Variants in TTC6 observed in about 807,000 individuals in gnomAD.
TTC6 encodes tetratricopeptide repeat protein 6.
TTC6 carries 172 observed loss-of-function variants against 210.4 expected under a neutral mutation model. The observed-to-expected ratio is 0.82, with a 90% CI of 0.72 to 0.93. The LOEUF is 0.93. Among genes scored for constraint, TTC6 ranks in the 40% least tolerant of loss-of-function variants. The pLI, the probability that TTC6 is intolerant of heterozygous loss-of-function variation, is 0.00. For missense variants in TTC6, 2,414 were observed against 2,318.1 expected, an observed-to-expected ratio of 1.04 and a Z score of -0.85; for synonymous variants, 804 against 819.6, an observed-to-expected ratio of 0.98 and a Z score of 0.32.
chr14:37,822,906 C>A (rs555821768), intron 26 of TTC6, among the ~76,000 whole-genome samples: 1 of 152,254 alleles, frequency 6.6e-6, no homozygotes, highest in East Asian at 1.9e-4. Flanking sequence ...AACTAGCTTA[C>A]AGAATTGTTG....
intron 3 of TTC6, among the ~76,000 whole-genome samples, chr14:37,687,647 C>T (rs2095796460): frequency 6.6e-6 from 1 of 152,086 alleles, no homozygotes; most frequent in Non-Finnish European, 1.5e-5. Flanking sequence ...CGAGCTCAGC[C>T]ACAGCAGGAT....
At chr14:37,686,006 C>A (rs947198681) in intron 3 of TTC6, among the ~76,000 whole-genome samples, 1 of 151,976 alleles carries the variant, frequency 6.6e-6, no homozygotes, top group Non-Finnish European at 1.5e-5. Flanking sequence ...AAGGATAAGC[C>A]ATGGAAGACT....
At chr14:37,765,901 C>G (rs6571821) in intron 14 of TTC6, among the ~76,000 whole-genome samples, 133,688 of 152,026 alleles carry the variant, frequency 0.88, 59,386 homozygotes, top group Non-Finnish European at 0.95. Flanking sequence ...TGAGAAATTG[C>G]ATTAGTCTTA....
intron 1 of TTC6, among the ~76,000 whole-genome samples, chr14:37,663,089 T>C (rs753199728): frequency 9.2e-5 from 14 of 152,192 alleles, no homozygotes; most frequent in South Asian, 2.1e-4. Context: ...GTAATTCTCA[T>C]TGTAGAGCTC....
chr14:37,702,574 T>G (rs1466107006), intron 5 of TTC6, among the ~76,000 whole-genome samples: 1 of 152,104 alleles, frequency 6.6e-6, no homozygotes. Context: ...TACTGAAAAA[T>G]GTACTGCATG....
At chr14:37,728,872 A>G (rs957302758) in intron 7 of TTC6, among the ~76,000 whole-genome samples, 1 of 152,218 alleles carries the variant, frequency 6.6e-6, no homozygotes, top group South Asian at 2.1e-4. Flanking sequence ...TGAATATGAC[A>G]TAAAGAGCAT....
intron 1 of TTC6, among the ~76,000 whole-genome samples, chr14:37,648,728 G>A (rs919976935): frequency 1.3e-5 from 2 of 152,090 alleles, no homozygotes; most frequent in Non-Finnish European, 2.9e-5. Flanking sequence ...TTTCTTTAAT[G>A]ATTACTAATT....
rs961111812 is a variant in TTC6 at position 37,840,241 on chromosome 14, A to C, written c.5299-1204A>C. Among the ~76,000 whole-genome samples the C allele has an allele frequency of 6.6e-5, 10 of 152,370 alleles. No homozygotes were observed. The East Asian group carries it at 1.9e-3, about 29-fold the overall frequency. On this transcript the variant is annotated intron_variant, in intron 29 of 30. Transcript: ENST00000553443. ...ATGCAAATAAACTAGAAAATCTAGAAGAAATGGATAAATTCCTGGACACAT... is the reference window on the plus strand; with the variant it reads ...ATGCAAATAAACTAGAAAATCTAGACGAAATGGATAAATTCCTGGACACAT...
rs2095608265 is a variant in TTC6, at chr14:37,598,242, C to A, written c.-235+2234C>A. The stretch of plus-strand genomic sequence containing the variant: ...CAGCTGTGGGGAGGATGGGTGGACT[C>A]GGGGCAGGGTACCCGCGAGGGCAGG... On this transcript the variant is annotated intron_variant, in intron 1 of 2. Transcript: ENST00000556845. The surrounding 1 kb of genome is among the most constrained non-coding windows in gnomAD (Gnocchi z 4.9). Among the ~76,000 whole-genome samples, 1 of 152,136 alleles carries A rather than the reference C, an allele frequency of 6.6e-6. No homozygotes were observed. The highest frequency in any genetic ancestry group is 2.1e-4 in the South Asian group (1 of 4,826).
At chr14:37,596,517 G>T (rs1259137117) in intron 1 of TTC6, among the ~76,000 whole-genome samples, 1 of 152,250 alleles carries the variant, frequency 6.6e-6, no homozygotes, top group East Asian at 1.9e-4. Context: ...CTGGGTGGTG[G>T]TTGCCCACTT....
intron 25 of TTC6, 96 bp from the exon 28 acceptor site, chr14:37,817,482 T>C: frequency 8.9e-6 from 9 of 1,015,754 alleles, no homozygotes; most frequent in Non-Finnish European, 7.5e-6. Context: ...TATATCTTAA[T>C]GCTTGTGTCA....
intron 14 of TTC6, among the ~76,000 whole-genome samples, chr14:37,781,036 C>T (rs938774894): frequency 6.6e-6 from 1 of 152,300 alleles, no homozygotes; most frequent in African/African-American, 2.4e-5. Context: ...CATTGGTAGA[C>T]ATTTGAGTCA....
chr14:37,790,905 A>G (rs1481649480), intron 16 of TTC6, 68 bp downstream of exon 18: 16 of 1,377,406 alleles, frequency 1.2e-5, no homozygotes, highest in Non-Finnish European at 1.5e-5. Flanking sequence ...AATGGGAGAA[A>G]AAGTTTCTTT....
chr14:37,742,584 ATT>A (rs35369139), intron 10 of TTC6, among the ~76,000 whole-genome samples: 3 of 145,872 alleles, frequency 2.1e-5, no homozygotes, highest in African/African-American at 5.1e-5. Flanking sequence ...TAATTTTTGC[ATT>A]TTTTTTTTTT....
chr14:37,696,288 A>G (rs1245241093), intron 3 of TTC6, among the ~76,000 whole-genome samples: 2 of 152,116 alleles, frequency 1.3e-5, no homozygotes, highest in Non-Finnish European at 2.9e-5. Context: ...AGTGATTACC[A>G]TGAATTCTGC....
chr14:37,734,628 G>A (rs1387779541), intron 7 of TTC6, among the ~76,000 whole-genome samples: 6 of 152,182 alleles, frequency 3.9e-5, no homozygotes, highest in Middle Eastern at 6.8e-3. Context: ...TAAGGAAACT[G>A]TTTCCATTTC....
chr14:37,831,712 C>T (rs192449473), intron 29 of TTC6, among the ~76,000 whole-genome samples: 1 of 152,000 alleles, frequency 6.6e-6, no homozygotes, highest in Non-Finnish European at 1.5e-5. Flanking sequence ...TGATGTTCAA[C>T]ATTTTTTTAT....
chr14:37,715,032 G>T (rs907082963), intron 6 of TTC6, among the ~76,000 whole-genome samples: 1 of 152,068 alleles, frequency 6.6e-6, no homozygotes, highest in Non-Finnish European at 1.5e-5. Flanking sequence ...AACCCAGCCT[G>T]GTGGCACACG....
intron 10 of TTC6, among the ~76,000 whole-genome samples, chr14:37,740,771 T>C (rs545052324): frequency 6.6e-6 from 1 of 152,322 alleles, no homozygotes; most frequent in East Asian, 1.9e-4. Context: ...AGTTGATAAA[T>C]GTTTTAGATC....
Sources: allele counts gnomAD v4.1 joint callset (sites outside exome capture counted in the v4.1 genomes callset), GRCh38; gene constraint gnomAD v4.1.1; non-coding constraint Gnocchi (gnomAD v3.1); transcripts MANE v1.5; gene names NCBI Gene and HGNC (gene_info 2026-07-23, HGNC 2026-07-21).